The following MYL10 variants were observed in gnomAD, a reference collection of about 807,000 sequenced individuals.
MYL10 encodes myosin light chain 10.
MYL10 carries 18 observed loss-of-function variants against 21.9 expected under a neutral mutation model. The observed-to-expected ratio is 0.82, with a 90% confidence interval of 0.57 to 1.22. The LOEUF is 1.22. MYL10 is among the 50% of genes most tolerant of loss of function. MYL10 has a pLI of 0.00. For missense variants in MYL10, 225 were observed against 230.4 expected, an observed-to-expected ratio of 0.98 and a Z score of 0.15; for synonymous variants, 88 against 82.8, an observed-to-expected ratio of 1.06 and a Z score of -0.34.
chr7:101,624,343 C>A, intron 1 of MYL10, 79 bp from the exon 2 acceptor site: 1 of 1,048,404 alleles, frequency 9.5e-7, no homozygotes. Context: ...CCTCCCAGGG[C>A]ATCACGGTCC....
Position 101,624,172 on chromosome 7 carries a change from C to A in MYL10, c.171G>T (p.Glu57Asp). Residue 57 changes from glutamate to aspartate, a missense_variant and splice_region_variant, in exon 2 of 8, where the codon GAG (glutamate) becomes GAT (aspartate). Coordinates refer to ENST00000223167, the MANE Select transcript of MYL10 (RefSeq NM_138403.5). ...FDQSQIQEFK[E>D]SLALSPRLER... ...CAGCCCCATGGGGCAGCAGACCAAC[C>A]TCTTTAAACTCCTGGATCTGGGACT... 6.2e-7 allele frequency: 1 copy of A among 1,605,542 alleles called. No homozygotes were observed.
intron 5 of MYL10, among the ~76,000 whole-genome samples, chr7:101,617,602 C>T (rs1479193230): frequency 4.6e-5 from 7 of 152,230 alleles, no homozygotes; most frequent in Admixed American, 4.6e-4. Context: ...GTTCCTCCAC[C>T]ATCATACTAA....
chr7:101,613,899 T>C (rs1258452968), intron 6 of MYL10, among the ~76,000 whole-genome samples, 189 bp from the exon 7 acceptor site: 1 of 152,050 alleles, frequency 6.6e-6, no homozygotes, highest in Non-Finnish European at 1.5e-5. Flanking sequence ...TTCTCCTCCA[T>C]GAAGTGGGCT....
chr7:101,616,818 G>A (rs1796614962), intron 5 of MYL10, among the ~76,000 whole-genome samples: 1 of 152,186 alleles, frequency 6.6e-6, no homozygotes, highest in Non-Finnish European at 1.5e-5. Context: ...GCATTGGAGG[G>A]GTCTGAGAGA....
intron 5 of MYL10, among the ~76,000 whole-genome samples, chr7:101,619,073 G>A (rs1465878317): frequency 6.6e-6 from 1 of 152,044 alleles, no homozygotes; most frequent in Non-Finnish European, 1.5e-5. Flanking sequence ...CCGGCCCTGG[G>A]CCGTCCACCC....
chr7:101,618,918 TG>T (rs2130737867), intron 5 of MYL10, among the ~76,000 whole-genome samples: 1 of 152,330 alleles, frequency 6.6e-6, no homozygotes, highest in Non-Finnish European at 1.5e-5. Context: ...GAAACAGGTT[TG>T]GGGCCCACTG....
At chr7:101,624,310 G>T (rs371253435) in intron 1 of MYL10, 46 bp from the exon 2 acceptor site, 1 of 1,465,782 alleles carries the variant, frequency 6.8e-7, no homozygotes, top group East Asian at 2.3e-5. Context: ...TGCCTCGAGG[G>T]TCAGCCCCCA....
chr7:101,624,515 G>A (rs1294272569), intron 1 of MYL10, among the ~76,000 whole-genome samples: 1 of 152,188 alleles, frequency 6.6e-6, no homozygotes, highest in Non-Finnish European at 1.5e-5. Flanking sequence ...CTGTCCCCCG[G>A]GCTCCGGAAG....
At chr7:101,620,073 G>A (rs1038536140) in intron 5 of MYL10, among the ~76,000 whole-genome samples, 3 of 152,160 alleles carry the variant, frequency 2.0e-5, no homozygotes, top group South Asian at 2.1e-4. Context: ...TATAATCCCA[G>A]CAGTTTGGGA....
intron 5 of MYL10, among the ~76,000 whole-genome samples, chr7:101,617,272 T>C (rs1296630317): frequency 6.6e-6 from 1 of 152,236 alleles, no homozygotes; most frequent in Admixed American, 6.5e-5. Context: ...CCATTCATGG[T>C]AAGGTTTTAA....
chr7:101,627,121 G>A (rs796783410), intron 1 of MYL10, among the ~76,000 whole-genome samples: 7 of 149,046 alleles, frequency 4.7e-5, no homozygotes, highest in Admixed American at 2.0e-4. Flanking sequence ...GTGAAACCCC[G>A]TCTCTACCAA....
At chr7:101,618,673 C>T (rs559060249) in intron 5 of MYL10, among the ~76,000 whole-genome samples, 14 of 152,290 alleles carry the variant, frequency 9.2e-5, no homozygotes, top group African/African-American at 2.4e-4. Context: ...TCCCAATTAG[C>T]GGGGTGAGGC....
intron 6 of MYL10, 139 bp from the exon 7 acceptor site, chr7:101,613,849 C>CAGGGT: frequency 1.3e-6 from 1 of 780,180 alleles, no homozygotes; most frequent in Non-Finnish European, 2.1e-6. Flanking sequence ...GCTGACCCTG[C>CAGGGT]CAGCCCCCCC....
intron 1 of MYL10, among the ~76,000 whole-genome samples, chr7:101,627,017 C>T (rs527366232): frequency 1.2e-4 from 18 of 152,126 alleles, no homozygotes; most frequent in African/African-American, 2.9e-4. Flanking sequence ...TGAGGCCGGG[C>T]GCTGTGGCTC....
chr7:101,616,049 G>T (rs1796605473), intron 6 of MYL10, among the ~76,000 whole-genome samples, 171 bp downstream of exon 6: 1 of 151,998 alleles, frequency 6.6e-6, no homozygotes, highest in Admixed American at 6.6e-5. Context: ...ATAGAGAAGG[G>T]GACACCAAGG....
chr7:101,622,941 G>T, intron 4 of MYL10, 56 bp downstream of exon 4: 1 of 1,537,442 alleles, frequency 6.5e-7, no homozygotes, highest in Non-Finnish European at 9.0e-7. Context: ...GGCCCCAACC[G>T]CCCACTCTGT....
chr7:101,614,725 G>A (rs188813383), intron 6 of MYL10, among the ~76,000 whole-genome samples: 1 of 152,250 alleles, frequency 6.6e-6, no homozygotes. Context: ...CCCATCCCAG[G>A]GGAGTATGTG....
At chr7:101,621,403 T>C (rs562153143) in intron 5 of MYL10, among the ~76,000 whole-genome samples, 1 of 152,114 alleles carries the variant, frequency 6.6e-6, no homozygotes, top group East Asian at 1.9e-4. Flanking sequence ...GGGAGTAACT[T>C]GCCCTGCACA....
rs189455659 is a variant in MYL10, at chr7:101,621,169, G to A, written c.454+927C>T. ...AGCTCCCCCGAGGCCAGGACAGAAA[G>A]GAGACACAGATGGCTCCAACCCTCC... On this transcript the variant is annotated intron_variant, in intron 5 of 7. Transcript: ENST00000223167. 1.2e-3 allele frequency among the ~76,000 whole-genome samples: 188 copies of A among 152,204 alleles called. 1 individual carries two copies. Among genetic ancestry groups the A allele is most frequent in the African/African-American group, 4.4e-3 (181 of 41,536 alleles).
Sources: allele counts gnomAD v4.1 joint callset (sites outside exome capture counted in the v4.1 genomes callset), GRCh38; gene constraint gnomAD v4.1.1; transcripts MANE v1.5; gene names NCBI Gene and HGNC (gene_info 2026-07-23, HGNC 2026-07-21).